The following ITGA1 variants were observed in gnomAD, a reference collection of about 807,000 sequenced individuals.
The protein encoded by ITGA1 is integrin alpha-1.
ITGA1 carries 85 observed loss-of-function variants against 145.9 expected under a neutral mutation model. That is an observed-to-expected ratio of 0.58 (90% CI 0.49 to 0.70). The LOEUF (loss-of-function observed/expected upper bound fraction) is 0.70. ITGA1 is among the 30% of genes least tolerant of loss of function. ITGA1 has a pLI of 0.00. For missense variants in ITGA1, 1,351 were observed against 1,418.7 expected (o/e 0.95, Z 0.77); for synonymous variants, 520 against 495.3 (o/e 1.05, Z -0.66).
Position 52,920,430 on chromosome 5 carries a change from C to T in ITGA1, c.2254C>T (p.Arg752Ter), listed in dbSNP as rs767030526. 31 of 1,609,120 alleles carry T rather than the reference C, an allele frequency of 1.9e-5. No homozygotes were observed. Among genetic ancestry groups the T allele is most frequent in the Non-Finnish European group, 2.5e-5 (30 of 1,178,000 alleles). ...AAAGGTTCAAAGGAACATCACAGTT[C>T]GAAAATCAGAATGCACTAAGCACTC... ...ERKVQRNITV[R>*]KSECTKHSFY... The change falls in exon 17 of 29, where the codon CGA becomes TGA. Residue 752 changes from arginine (R) to a stop codon, truncating the protein, a stop_gained. Coordinates refer to ENST00000282588, the MANE Select transcript of ITGA1 (RefSeq NM_181501.2). LOFTEE classifies it high-confidence loss of function.
chr5:52,922,231 G>A (rs1412454732), intron 17 of ITGA1, among the ~76,000 whole-genome samples: 3 of 152,164 alleles, frequency 2.0e-5, no homozygotes, highest in South Asian at 4.1e-4. Flanking sequence ...AACCTGGGAA[G>A]TGGAGGTTGC....
At chr5:52,851,577 G>C (rs1005957016) in intron 2 of ITGA1, among the ~76,000 whole-genome samples, 1 of 152,276 alleles carries the variant, frequency 6.6e-6, no homozygotes, top group Middle Eastern at 3.4e-3. Context: ...AGCCAACACT[G>C]GTTAAGGAAC....
chr5:52,853,117 A>C (rs1451048623), intron 2 of ITGA1, among the ~76,000 whole-genome samples: 2 of 152,202 alleles, frequency 1.3e-5, no homozygotes, highest in Non-Finnish European at 2.9e-5. Context: ...TCACGTTGAC[A>C]TTTATTATTT....
At chr5:52,901,143 T>G (rs1222608677) in intron 11 of ITGA1, among the ~76,000 whole-genome samples, 1 of 152,174 alleles carries the variant, frequency 6.6e-6, no homozygotes, top group East Asian at 1.9e-4. Context: ...CTCTCCTGGA[T>G]GTGGCCAGAG....
At chr5:52,847,650 T>C (rs1483572345) in intron 1 of ITGA1, among the ~76,000 whole-genome samples, 3 of 152,218 alleles carry the variant, frequency 2.0e-5, no homozygotes, top group East Asian at 3.8e-4. Flanking sequence ...TCTCCCAGGT[T>C]CAAGCGGTGC....
At chr5:52,825,955 A>G (rs1748954459) in intron 1 of ITGA1, among the ~76,000 whole-genome samples, 1 of 152,066 alleles carries the variant, frequency 6.6e-6, no homozygotes, top group Middle Eastern at 3.4e-3. Flanking sequence ...TTAGTCTAAA[A>G]TAACCTTACA....
chr5:52,908,867 T>G, intron 12 of ITGA1, 31 bp from the exon 13 acceptor site: 2 of 1,608,614 alleles, frequency 1.2e-6, no homozygotes, highest in Non-Finnish European at 1.7e-6. Context: ...CTGTTGTTCA[T>G]TGGGCTGTTT....
At chr5:52,927,140 G>T (rs560210848) in intron 19 of ITGA1, among the ~76,000 whole-genome samples, 5 of 152,264 alleles carry the variant, frequency 3.3e-5, no homozygotes, top group East Asian at 3.9e-4. Context: ...ATCTTAACAA[G>T]GATAAAGCTA....
intron 1 of ITGA1, chr5:52,802,200 C>T (rs1165101623): frequency 1.8e-5 from 3 of 170,634 alleles, no homozygotes; most frequent in East Asian, 1.7e-4. Context: ...AAACAGTTTT[C>T]CTTAGAAAAA....
rs1294566353 is a variant in ITGA1, at chr5:52,842,193, A to G, written c.62-7172A>G. The stretch of plus-strand genomic sequence containing the variant: ...TCAGATCCTAGGTGGTATCACAGAT[A>G]TGCATCATGTTTTGAGCAACTGAGA... On this transcript the variant is annotated intron_variant, in intron 1 of 28. Coordinates refer to ENST00000282588, the MANE Select transcript of ITGA1 (RefSeq NM_181501.2). Among the ~76,000 whole-genome samples, 3 of 152,298 alleles carry G rather than the reference A, an allele frequency of 2.0e-5. No homozygotes were observed. The East Asian group carries it at 5.8e-4, about 29-fold the overall frequency.
rs10075432 is a variant in ITGA1 at position 52,810,745 on chromosome 5, T to C, written c.61+22331T>C. ...ATTTCTCACTCTGGGCCTAACTCCT[T>C]ATCTAAAACTTAATAGAGCTTAATA... On this transcript the variant is annotated intron_variant, in intron 1 of 28. Transcript: ENST00000282588. 7.2e-3 allele frequency among the ~76,000 whole-genome samples: 1,000 copies of C among 139,312 alleles called. 12 individuals carry two copies. Among genetic ancestry groups the C allele is most frequent in the African/African-American group, 0.026 (966 of 36,956 alleles). 91.4% of individuals were successfully genotyped at this position (139,312 alleles called of 152,430 possible).
rs13360413 is a variant in ITGA1, at chr5:52,849,559, T to C, written c.182+74T>C. The C allele has an allele frequency of 2.6e-3, 3,329 of 1,273,322 alleles. 75 individuals are homozygous for C. The African/African-American group carries it at 0.044, about 17-fold the overall frequency. The allele number at this position is 1,273,322 out of a possible 1,614,324, so 78.9% of individuals were successfully genotyped here. ...TGAGAAATATTATTTGACTACAGTT[T>C]CTTTTATGAATGAAACTTTAACAGA... On this transcript the variant is annotated intron_variant, in intron 2 of 28. Transcript: ENST00000282588.
chr5:52,898,411 G>C, intron 11 of ITGA1, 28 bp downstream of exon 11: 1 of 1,549,638 alleles, frequency 6.5e-7, no homozygotes, highest in Admixed American at 2.0e-5. Context: ...TTATAAAAGA[G>C]TTGTTTTACT....
chr5:52,864,522 A>G (rs1749653954), intron 3 of ITGA1, among the ~76,000 whole-genome samples: 1 of 152,214 alleles, frequency 6.6e-6, no homozygotes, highest in Admixed American at 6.5e-5. Flanking sequence ...TTGCCCTGCT[A>G]GTTCTGCATT....
intron 1 of ITGA1, among the ~76,000 whole-genome samples, chr5:52,838,128 A>G (rs971351480): frequency 6.6e-6 from 1 of 152,180 alleles, no homozygotes; most frequent in Non-Finnish European, 1.5e-5. Context: ...GAACCGAAAA[A>G]CTTCTGAATG....
intron 1 of ITGA1, among the ~76,000 whole-genome samples, chr5:52,795,897 A>C (rs142923867): frequency 2.3e-3 from 349 of 152,084 alleles, no homozygotes; most frequent in African/African-American, 8.2e-3. Flanking sequence ...AGTTGGTAGA[A>C]TCCATCCAGG....
chr5:52,899,819 T>C (rs1750286093), intron 11 of ITGA1, among the ~76,000 whole-genome samples: 1 of 152,220 alleles, frequency 6.6e-6, no homozygotes, highest in Non-Finnish European at 1.5e-5. Flanking sequence ...CTATGGAGCA[T>C]GTAGTCTTAA....
intron 14 of ITGA1, 64 bp downstream of exon 14, chr5:52,910,483 C>A: frequency 6.6e-7 from 1 of 1,520,946 alleles, no homozygotes; most frequent in Non-Finnish European, 9.0e-7. Context: ...CCAGGCATTA[C>A]CTGTCTAACT....
chr5:52,846,440 A>T (rs772762033), intron 1 of ITGA1, among the ~76,000 whole-genome samples: 3 of 152,168 alleles, frequency 2.0e-5, no homozygotes, highest in Non-Finnish European at 4.4e-5. Flanking sequence ...GTGTGTCTAA[A>T]CATATCTAAA....
Sources: allele counts gnomAD v4.1 joint callset (sites outside exome capture counted in the v4.1 genomes callset), GRCh38; gene constraint gnomAD v4.1.1; transcripts MANE v1.5; gene names NCBI Gene and HGNC (gene_info 2026-07-23, HGNC 2026-07-21).